The following GLIS3 variants were observed in gnomAD, a reference collection of about 807,000 sequenced individuals.
The protein encoded by GLIS3 is GLIS family zinc finger 3, also known as zinc finger protein GLIS3.
In GLIS3, 53 loss-of-function variants were observed where a neutral mutation model predicts 78.6. The ratio of observed to expected loss-of-function variants is 0.67; its 90% confidence interval spans 0.54 to 0.85. The LOEUF is 0.85. GLIS3 is among the 40% of genes least tolerant of loss of function. The pLI is 0.00. For missense variants in GLIS3, 1,703 were observed against 1,231.1 expected (o/e 1.38, Z -5.74); for synonymous variants, 684 against 509.9 (o/e 1.34, Z -4.60).
intron 2 of GLIS3, among the ~76,000 whole-genome samples, chr9:4,269,443 A>T (rs1306394206): frequency 6.6e-6 from 1 of 152,254 alleles, no homozygotes; most frequent in Admixed American, 6.5e-5. Flanking sequence ...GACTGATCAC[A>T]GTTTTCATAA....
intron 2 of GLIS3, among the ~76,000 whole-genome samples, chr9:4,166,783 G>A (rs894721973): frequency 5.3e-5 from 8 of 152,230 alleles, no homozygotes; most frequent in African/African-American, 7.2e-5. Context: ...TTCTCAGCAT[G>A]AAACAGAGGA....
intron 4 of GLIS3, among the ~76,000 whole-genome samples, chr9:4,049,255 C>A (rs1050502378): frequency 2.0e-5 from 3 of 152,196 alleles, no homozygotes; most frequent in African/African-American, 7.2e-5. Flanking sequence ...TACAACCATA[C>A]TGGTTGGTAA....
intron 2 of GLIS3, among the ~76,000 whole-genome samples, chr9:4,322,908 T>C (rs1817555060): frequency 6.6e-6 from 1 of 152,234 alleles, no homozygotes. Context: ...AGAAGCTCTT[T>C]AGTTTAATGA....
chr9:3,903,423 A>G (rs1266605087), intron 6 of GLIS3, among the ~76,000 whole-genome samples: 3 of 152,230 alleles, frequency 2.0e-5, no homozygotes, highest in East Asian at 3.9e-4. Context: ...CTGATTGTCA[A>G]TTCACCTATT....
At chr9:4,418,119 A>C in the GLIS3 span, among the ~76,000 whole-genome samples, 5 of 152,234 alleles carry the variant, frequency 3.3e-5, no homozygotes, top group African/African-American at 4.8e-5. Context: ...TAGAGGTCTT[A>C]ATCTTTTTAC....
At chr9:4,063,555 G>T (rs13301736) in intron 4 of GLIS3, among the ~76,000 whole-genome samples, 2 of 150,170 alleles carry the variant, frequency 1.3e-5, no homozygotes, top group East Asian at 3.9e-4. Context: ...GCAAGTTCAT[G>T]ATTTAAAAAA....
chr9:4,403,585 T>C, the GLIS3 span, among the ~76,000 whole-genome samples: 3 of 152,068 alleles, frequency 2.0e-5, no homozygotes, highest in African/African-American at 7.2e-5. Flanking sequence ...TTATAAAGTG[T>C]AGAGTTTTTA....
chr9:4,474,128 A>G, the GLIS3 span, among the ~76,000 whole-genome samples: 2 of 152,228 alleles, frequency 1.3e-5, no homozygotes, highest in African/African-American at 2.4e-5. Flanking sequence ...TCAAAGGATG[A>G]TTAATAAGCA....
At position 4,058,837 on chromosome 9, in the gene GLIS3, C is replaced by G. The variant is rs572731203; in HGVS notation, c.1710+58931G>C. Reference sequence around the variant, plus strand: ...CTACTAAAAAATACAAAAAAATTAGCCGGGTTTGGTGGCAGGTGCCTGTAA... The same window carrying G: ...CTACTAAAAAATACAAAAAAATTAGGCGGGTTTGGTGGCAGGTGCCTGTAA... On this transcript the variant is annotated intron_variant, in intron 4 of 10. Coordinates refer to ENST00000381971, the MANE Select transcript of GLIS3 (RefSeq NM_001042413.2). Among the ~76,000 whole-genome samples the G allele has an allele frequency of 6.3e-4, 96 of 152,058 alleles. 1 individual carries two copies. Among genetic ancestry groups the G allele is most frequent in the African/African-American group, 2.3e-3 (94 of 41,458 alleles).
At chr9:4,315,505 A>T (rs758624675) in intron 2 of GLIS3, among the ~76,000 whole-genome samples, 42 of 152,170 alleles carry the variant, frequency 2.8e-4, no homozygotes, top group Non-Finnish European at 5.0e-4. Context: ...AAAGCCTTTA[A>T]ATTGATTCAA....
the GLIS3 span, among the ~76,000 whole-genome samples, chr9:4,465,336 T>C: frequency 1.3e-5 from 2 of 152,144 alleles, no homozygotes; most frequent in African/African-American, 2.4e-5. Context: ...TCACCAGAGG[T>C]CGGGAGTTCG....
intron 4 of GLIS3, among the ~76,000 whole-genome samples, chr9:3,957,269 G>T (rs1187764876): frequency 2.0e-5 from 3 of 152,242 alleles, no homozygotes; most frequent in Non-Finnish European, 4.4e-5. Flanking sequence ...TCTTGTTGAT[G>T]CAGTAATCAA....
chr9:4,097,994 A>G (rs1199608957), intron 4 of GLIS3, among the ~76,000 whole-genome samples: 1 of 152,214 alleles, frequency 6.6e-6, no homozygotes, highest in Non-Finnish European at 1.5e-5. Context: ...AGTTTTACGT[A>G]TATCAGAAAT....
At position 4,195,250 on chromosome 9, in the gene GLIS3, G is replaced by A. The variant is rs191694469; in HGVS notation, c.389-69309C>T. 5.8e-3 allele frequency among the ~76,000 whole-genome samples: 649 copies of A among 112,458 alleles called. 6 individuals are homozygous for A. Among genetic ancestry groups the A allele is most frequent in the African/African-American group, 0.028 (618 of 21,868 alleles). 73.8% of individuals were successfully genotyped at this position (112,458 alleles called of 152,430 possible). On this transcript the variant is annotated intron_variant, in intron 2 of 10. Coordinates refer to ENST00000381971, the MANE Select transcript of GLIS3 (RefSeq NM_001042413.2). ...CTGCACTGTGGGAGCCCCTGTCTGG[G>A]CTGGTTGAGGCCAGAGCTGCTCCCT...
At chr9:4,385,662 T>C in the GLIS3 span, among the ~76,000 whole-genome samples, 1 of 22,238 alleles carries the variant, frequency 4.5e-5, no homozygotes, top group Non-Finnish European at 8.8e-5. Context: ...TGAAACTCCA[T>C]CTCAAAAAAA....
At chr9:4,403,275 T>C in the GLIS3 span, among the ~76,000 whole-genome samples, 1 of 152,208 alleles carries the variant, frequency 6.6e-6, no homozygotes, top group African/African-American at 2.4e-5. Context: ...TGAGGGATTT[T>C]ATCAACACCA....
intron 8 of GLIS3, among the ~76,000 whole-genome samples, chr9:3,873,290 C>G (rs1458647317): frequency 6.6e-6 from 1 of 152,072 alleles, no homozygotes; most frequent in African/African-American, 2.4e-5. Flanking sequence ...TAACAAACAA[C>G]AAAAATAAAA....
intron 4 of GLIS3, chr9:4,034,650 G>A (rs1057447856): frequency 6.6e-6 from 1 of 152,214 alleles, no homozygotes; most frequent in East Asian, 1.9e-4. Context: ...AAGTCTTCAA[G>A]AAATTGTTTG....
intron 2 of GLIS3, among the ~76,000 whole-genome samples, chr9:4,178,533 G>C (rs997774541): frequency 3.3e-5 from 5 of 152,210 alleles, no homozygotes; most frequent in Non-Finnish European, 4.4e-5. Flanking sequence ...CAGAGCTTTG[G>C]TGAGCTTTGC....
Sources: gnomAD v4.1 joint callset for allele counts (sites outside exome capture counted in the v4.1 genomes callset) on GRCh38, gnomAD v4.1.1 for gene constraint, MANE v1.5 for transcripts, NCBI Gene and HGNC (gene_info 2026-07-23, HGNC 2026-07-21) for gene names.